UMAD1: variants seen among roughly 807,000 people sequenced by gnomAD.
UMAD1 encodes the protein UBAP1-MVB12-associated (UMA)-domain containing protein 1.
A neutral mutation model predicts 6.1 loss-of-function variants in UMAD1; 8 were observed. The ratio of observed to expected loss-of-function variants is 1.30; its 90% CI spans 0.76 to 2.35. UMAD1 has a LOEUF of 2.35. Among genes scored for constraint, UMAD1 ranks in the 30% most tolerant of loss-of-function variants. The pLI is 0.00. For missense variants in UMAD1, 130 were observed against 78.4 expected (o/e 1.66, Z -2.49); for synonymous variants, 56 against 31.4 (o/e 1.78, Z -2.61).
At chr7:7,788,409 T>G (rs2115261096) in intron 2 of UMAD1, among the ~76,000 whole-genome samples, 1 of 152,336 alleles carries the variant, frequency 6.6e-6, no homozygotes, top group Middle Eastern at 3.4e-3. Context: ...GTTCTCATAC[T>G]ATTTATTCTC....
At chr7:7,828,554 C>A (rs1783393116) in intron 3 of UMAD1, among the ~76,000 whole-genome samples, 1 of 152,198 alleles carries the variant, frequency 6.6e-6, no homozygotes, top group Non-Finnish European at 1.5e-5. Flanking sequence ...CCCATAGGGA[C>A]CCCATCCCTG....
At chr7:7,814,755 C>T (rs529796258) in intron 3 of UMAD1, among the ~76,000 whole-genome samples, 3 of 152,180 alleles carry the variant, frequency 2.0e-5, no homozygotes, top group South Asian at 2.1e-4. Context: ...GGTTTGACTG[C>T]GAGAACGTGT....
chr7:7,804,577 G>C (rs946260075), intron 3 of UMAD1, among the ~76,000 whole-genome samples: 8 of 152,260 alleles, frequency 5.3e-5, no homozygotes, highest in African/African-American at 1.9e-4. Flanking sequence ...GGAGGCTGAG[G>C]CAGGAGAACT....
At chr7:7,726,940 G>A (rs78913892) in intron 2 of UMAD1, among the ~76,000 whole-genome samples, 1 of 152,124 alleles carries the variant, frequency 6.6e-6, no homozygotes, top group Non-Finnish European at 1.5e-5. Flanking sequence ...GATCCATAGG[G>A]TGTCTGTTAG....
rs372964085 is a variant in UMAD1, at chr7:7,682,603, A to G, written c.82+9150A>G. 2.4e-4 allele frequency among the ~76,000 whole-genome samples: 36 copies of G among 152,282 alleles called. No individual in the cohort carries two copies. The East Asian group carries it at 2.7e-3, about 11-fold the overall frequency. The stretch of plus-strand genomic sequence containing the variant: ...AAGGCTTTAATTAAAACAGTGACAA[A>G]AACTAAACAGGTTTTCAACATGTGC... On this transcript the variant is annotated intron_variant, in intron 2 of 3. Coordinates refer to ENST00000682710, the MANE Select transcript of UMAD1 (RefSeq NM_001302348.2).
At chr7:7,645,443 T>A (rs1480503976) in intron 1 of UMAD1, among the ~76,000 whole-genome samples, 1 of 152,208 alleles carries the variant, frequency 6.6e-6, no homozygotes, top group East Asian at 1.9e-4. Flanking sequence ...ATTCAATATC[T>A]AGTTCCATAT....
intron 2 of UMAD1, among the ~76,000 whole-genome samples, chr7:7,704,345 C>G (rs921925668): frequency 2.6e-5 from 4 of 151,980 alleles, no homozygotes; most frequent in Admixed American, 1.3e-4. Context: ...GTTTTGATTT[C>G]TAATATGAAA....
At chr7:7,660,923 C>G (rs561846400) in intron 1 of UMAD1, among the ~76,000 whole-genome samples, 1 of 152,342 alleles carries the variant, frequency 6.6e-6, no homozygotes, top group African/African-American at 2.4e-5. Flanking sequence ...TTCTCCCTGT[C>G]ACTTTCGGGT....
At chr7:7,849,636 C>G (rs1295585102) in intron 3 of UMAD1, among the ~76,000 whole-genome samples, 1 of 152,148 alleles carries the variant, frequency 6.6e-6, no homozygotes, top group South Asian at 2.1e-4. Flanking sequence ...ACTGCACATA[C>G]AACAGAGTGG....
rs150411259 is a variant in UMAD1, at chr7:7,835,462, C to CTTTTTTTTTTTTT, written c.156+33745_156+33757dup. ...CATTCATTCACTCATTGAAACAGCA[C>CTTTTTTTTTTTTT]TTTTTTTTTTTTTTTTTTTTTTTTT... On this transcript the variant is annotated intron_variant, in intron 3 of 3. Transcript: ENST00000682710. Among the ~76,000 whole-genome samples the CTTTTTTTTTTTTT allele has an allele frequency of 1.8e-4, 6 of 33,682 alleles. 3 individuals carry two copies. Among genetic ancestry groups the CTTTTTTTTTTTTT allele is most frequent in the Admixed American group, 9.1e-4 (2 of 2,202 alleles). 22.1% of individuals were successfully genotyped at this position (33,682 alleles called of 152,430 possible). A position where few individuals can be genotyped will look rare whatever the true frequency, so the allele number is the denominator to read the frequency against.
At chr7:7,645,746 G>C (rs1785079307) in intron 1 of UMAD1, among the ~76,000 whole-genome samples, 1 of 151,612 alleles carries the variant, frequency 6.6e-6, no homozygotes, top group East Asian at 1.9e-4. Flanking sequence ...TCACATTCTT[G>C]GAAGCTTGGT....
At chr7:7,658,639 C>G (rs1017283592) in intron 1 of UMAD1, among the ~76,000 whole-genome samples, 3 of 152,112 alleles carry the variant, frequency 2.0e-5, no homozygotes, top group East Asian at 1.9e-4. Flanking sequence ...GTTGAACCAG[C>G]CTTGCATCCC....
intron 2 of UMAD1, among the ~76,000 whole-genome samples, chr7:7,778,097 G>T (rs953763888): frequency 6.6e-6 from 1 of 152,082 alleles, no homozygotes; most frequent in Non-Finnish European, 1.5e-5. Context: ...TTAATATTAT[G>T]ACATTGTATG....
rs1038468059 is a variant in UMAD1, at chr7:7,767,367, C to T, written c.83-34303C>T. On this transcript the variant is annotated intron_variant, in intron 2 of 3. Transcript: ENST00000682710. ...GTCTCGATCTCCTGACCTCATGATCCGCCTGCCTCGGTCTCCCAAAGTGCT... is the reference window on the plus strand; with the variant it reads ...GTCTCGATCTCCTGACCTCATGATCTGCCTGCCTCGGTCTCCCAAAGTGCT... 1.5e-4 allele frequency among the ~76,000 whole-genome samples: 23 copies of T among 150,166 alleles called. 1 individual carries two copies. The highest frequency in any genetic ancestry group is 6.6e-4 in the Admixed American group (10 of 15,040).
chr7:7,762,728 C>T (rs531445524), intron 2 of UMAD1, among the ~76,000 whole-genome samples: 6 of 152,242 alleles, frequency 3.9e-5, no homozygotes, highest in East Asian at 1.9e-4. Flanking sequence ...AAACATCACT[C>T]GAAGACTGAG....
At chr7:7,643,620 G>GCAC (rs1172678481) in intron 1 of UMAD1, among the ~76,000 whole-genome samples, 1 of 151,980 alleles carries the variant, frequency 6.6e-6, no homozygotes, top group Admixed American at 6.6e-5. Flanking sequence ...GCTGAGGCAG[G>GCAC]AGAATGGCGT....
intron 2 of UMAD1, among the ~76,000 whole-genome samples, chr7:7,782,119 T>G (rs1782357008): frequency 6.6e-6 from 1 of 152,158 alleles, no homozygotes; most frequent in African/African-American, 2.4e-5. Flanking sequence ...ATTCTCTTAT[T>G]TTTAAAAACT....
chr7:7,719,103 A>G (rs115117221), intron 2 of UMAD1, among the ~76,000 whole-genome samples: 4,895 of 151,996 alleles, frequency 0.032, 242 homozygotes, highest in African/African-American at 0.11. Context: ...TTTTTTCTGC[A>G]TTTTTATTAA....
At chr7:7,778,285 A>T in intron 2 of UMAD1, among the ~76,000 whole-genome samples, 1 of 150,890 alleles carries the variant, frequency 6.6e-6, no homozygotes, top group South Asian at 2.1e-4. Flanking sequence ...TGAGAGAGAG[A>T]GAGAGAGAGA....
Sources: allele counts gnomAD v4.1 joint callset (sites outside exome capture counted in the v4.1 genomes callset), GRCh38; gene constraint gnomAD v4.1.1; transcripts MANE v1.5; gene names NCBI Gene and HGNC (gene_info 2026-07-23, HGNC 2026-07-21).